CHD5: variants seen among roughly 807,000 people sequenced by gnomAD.
CHD5 encodes the protein ATP-dependent chromatin remodeler CHD5.
In CHD5, 69 loss-of-function variants were observed where a neutral mutation model predicts 230.3. The ratio of observed to expected loss-of-function variants is 0.30; its 90% CI spans 0.25 to 0.37. The LOEUF is 0.37. CHD5 is among the 10% of genes least tolerant of loss of function. The probability of loss-of-function intolerance (pLI) is 1.00; values close to 1 mark genes in which losing one functional copy is unlikely to be tolerated. For synonymous variants in CHD5, 1,064 were observed against 1,065.9 expected (o/e 1.00, Z 0.03); for missense variants, 1,827 against 2,622.8 (o/e 0.70, Z 6.63).
In CHD5 at chr1:6,154,600, T is replaced by C; in HGVS notation, c.745+60A>G. 1.0e-5 allele frequency: 15 copies of C among 1,476,500 alleles called. No individual in the cohort carries two copies. The highest frequency in any genetic ancestry group is 1.4e-5 in the Non-Finnish European group (15 of 1,101,434). 91.5% of individuals were successfully genotyped at this position (1,476,500 alleles called of 1,614,324 possible). A position where few individuals can be genotyped will look rare whatever the true frequency, so the allele number is the denominator to read the frequency against. Reference sequence around the variant, plus strand: ...CGCGTCTGCCCCGTGGCTTCTCCTATAGGGTCTGAAAGGGACCTCTTCCCA... The same window carrying C: ...CGCGTCTGCCCCGTGGCTTCTCCTACAGGGTCTGAAAGGGACCTCTTCCCA... On this transcript the variant is annotated intron_variant, in intron 5 of 41. Transcript: ENST00000262450. This position sits in a 1 kb window ranked among gnomAD's most constrained non-coding sequence, Gnocchi z 7.0.
At chr1:6,166,092 C>A (rs555218850) in intron 2 of CHD5, among the ~76,000 whole-genome samples, 2 of 151,978 alleles carry the variant, frequency 1.3e-5, no homozygotes, top group South Asian at 2.1e-4. Flanking sequence ...AGACACACAT[C>A]CATCCCGGAC....
chr1:6,109,759 CGG>C (rs546108700), intron 38 of CHD5, 34 bp downstream of exon 38: 1 of 1,573,622 alleles, frequency 6.4e-7, no homozygotes, highest in African/African-American at 1.4e-5. Context: ...GGAGGAAGGG[CGG>C]GGGGCTGCAC....
intron 30 of CHD5, 131 bp downstream of exon 30, chr1:6,124,386 G>T: frequency 9.3e-7 from 1 of 1,075,594 alleles, no homozygotes; most frequent in Non-Finnish European, 1.4e-6. Context: ...AGTCCCTCTG[G>T]AGTGACTCGG....
Position 6,154,550 on chromosome 1 carries a change from A to G in CHD5, c.745+110T>C. The G allele has an allele frequency of 1.0e-6, 1 of 961,260 alleles. No individual in the cohort carries two copies. Among genetic ancestry groups the G allele is most frequent in the Non-Finnish European group, 1.5e-6 (1 of 660,842 alleles). 59.5% of individuals were successfully genotyped at this position (961,260 alleles called of 1,614,324 possible). On this transcript the variant is annotated intron_variant, in intron 5 of 41. Transcript: ENST00000262450. This position sits in a 1 kb window ranked among gnomAD's most constrained non-coding sequence, Gnocchi z 7.0. Reference sequence around the variant, plus strand: ...CACAGGCACAGAGCCCTCCATTAGGAGCACCCCAGCTGCCCCTCCCTGCCC... The same window carrying G: ...CACAGGCACAGAGCCCTCCATTAGGGGCACCCCAGCTGCCCCTCCCTGCCC...
chr1:6,162,009 C>A (rs1471545744), intron 2 of CHD5, among the ~76,000 whole-genome samples: 1 of 152,204 alleles, frequency 6.6e-6, no homozygotes, highest in Admixed American at 6.5e-5. Flanking sequence ...TTGGCCAAGT[C>A]ACTGTAGCGA....
chr1:6,110,490 G>C lies in CHD5; in HGVS notation c.5286C>G (p.Asp1762Glu). The change falls in exon 37 of 42, where the codon GAC becomes GAG. Residue 1762 changes from aspartate to glutamate, a missense_variant. By Grantham distance (45) the Asp-to-Glu change is conservative. Around this residue, in one of 14 missense-constraint regions of CHD5, gnomAD observed 208 missense variants for 302.0 expected, o/e 0.69. Coordinates refer to ENST00000262450, the MANE Select transcript of CHD5 (RefSeq NM_015557.3). Reference protein sequence around the residue: ...GYARWQDIQNDPRYMILNEPF... With the variant: ...GYARWQDIQNEPRYMILNEPF... The stretch of plus-strand genomic sequence containing the variant: ...GCTCGTTGAGGATCATGTACCGTGG[G>C]TCATTCTGGATGTCCTGCCAGCGGG... 6.2e-7 allele frequency: 1 copy of C among 1,613,898 alleles called. No homozygotes were observed. The highest frequency in any genetic ancestry group is 8.5e-7 in the Non-Finnish European group (1 of 1,179,980).
rs1034925248 is a variant in CHD5, at chr1:6,146,535, G to A, written c.1591-112C>T. 58 of 1,387,058 alleles carry A rather than the reference G, an allele frequency of 4.2e-5. No individual in the cohort carries two copies. Among genetic ancestry groups the A allele is most frequent in the Non-Finnish European group, 5.0e-5 (49 of 986,638 alleles). 85.9% of individuals were successfully genotyped at this position (1,387,058 alleles called of 1,614,324 possible). ...AGGTCCCAGGCAGGACAATCCTCCC[G>A]CTCAGCACCACCCCAACTCCCAACA... is the stretch of plus-strand genomic sequence containing the variant. On this transcript the variant is annotated intron_variant, in intron 10 of 41. Transcript: ENST00000262450. The surrounding 1 kb of genome is among the most constrained non-coding windows in gnomAD (Gnocchi z 5.1).
At chr1:6,122,152 G>A (rs948884713) in intron 31 of CHD5, among the ~76,000 whole-genome samples, 1 of 152,218 alleles carries the variant, frequency 6.6e-6, no homozygotes, top group Non-Finnish European at 1.5e-5. Context: ...GGGCTCCCTT[G>A]TGCTTGGAGG....
rs1032592492 is a variant in CHD5, at chr1:6,105,080, G to T, written c.*394C>A. ...CGGTAAAGAGACATCAGTGCTGCAG[G>T]TTCGAATCTTCCATACGTCATCCAA... is the stretch of plus-strand genomic sequence containing the variant. On this transcript the variant is annotated 3_prime_UTR_variant, in exon 42 of 42. Transcript: ENST00000262450. The surrounding 1 kb of genome is among the most constrained non-coding windows in gnomAD (Gnocchi z 4.8). 4.0e-5 allele frequency: 13 copies of T among 324,628 alleles called. No homozygotes were observed. Among genetic ancestry groups the T allele is most frequent in the South Asian group, 2.5e-4 (10 of 40,236 alleles). 20.1% of individuals were successfully genotyped at this position (324,628 alleles called of 1,614,324 possible). A position where few individuals can be genotyped will look rare whatever the true frequency, so the allele number is the denominator to read the frequency against.
At chr1:6,109,364 G>A (rs553601520) in intron 38 of CHD5, among the ~76,000 whole-genome samples, 1 of 152,206 alleles carries the variant, frequency 6.6e-6, no homozygotes, top group Non-Finnish European at 1.5e-5. Context: ...GCAGAGATGT[G>A]CAGCCAGCAC....
intron 15 of CHD5, among the ~76,000 whole-genome samples, chr1:6,139,636 G>A (rs780770222): frequency 3.3e-5 from 5 of 150,534 alleles, no homozygotes; most frequent in South Asian, 4.2e-4. Flanking sequence ...CTACAGCCTC[G>A]AACTCCTGGG....
intron 38 of CHD5, among the ~76,000 whole-genome samples, chr1:6,108,421 T>G: frequency 1.8e-5 from 2 of 109,526 alleles, no homozygotes; most frequent in African/African-American, 3.7e-5. Context: ...GATGGAGAGA[T>G]GGAAGGATGG....
intron 1 of CHD5, among the ~76,000 whole-genome samples, chr1:6,173,108 CTTTTT>C (rs371953368): frequency 1.4e-5 from 2 of 138,104 alleles, no homozygotes; most frequent in Non-Finnish European, 3.2e-5. Flanking sequence ...GGCGTTATTT[CTTTTT>C]TTTTTTTTTT....
intron 2 of CHD5, 75 bp downstream of exon 2, chr1:6,168,075 C>G: frequency 2.0e-6 from 3 of 1,519,362 alleles, no homozygotes; most frequent in Non-Finnish European, 1.8e-6. Flanking sequence ...GGACCCCAGC[C>G]CTCCTCTGCG....
At chr1:6,132,012 C>T (rs1053132476) in intron 20 of CHD5, among the ~76,000 whole-genome samples, 1 of 152,242 alleles carries the variant, frequency 6.6e-6, no homozygotes, top group Non-Finnish European at 1.5e-5. Context: ...GCTCCCACCA[C>T]ACAGAATTAA....
rs754296327 is a variant in CHD5, at chr1:6,136,697, G to A, written c.2574+31C>T. The A allele has an allele frequency of 6.8e-6, 11 of 1,611,014 alleles. No individual in the cohort carries two copies. The Admixed American group carries it at 1.7e-4, about 24-fold the overall frequency. The stretch of plus-strand genomic sequence containing the variant: ...TCTGGGCGGCCCCTCGCCCCGGGAA[G>A]CTCTGGGGTCTGGCGGCCAGCGCCA... On this transcript the variant is annotated intron_variant, in intron 16 of 41. Transcript: ENST00000262450.
intron 2 of CHD5, among the ~76,000 whole-genome samples, chr1:6,165,155 G>C (rs946840263): frequency 1.3e-5 from 2 of 152,232 alleles, no homozygotes; most frequent in East Asian, 3.9e-4. Context: ...TGAGAGCGTC[G>C]GAGAACCAGC....
intron 33 of CHD5, among the ~76,000 whole-genome samples, chr1:6,119,140 A>G (rs1391387079): frequency 6.6e-6 from 1 of 151,572 alleles, no homozygotes; most frequent in African/African-American, 2.4e-5. Context: ...CAAATCAGCA[A>G]AAATAAACTT....
In CHD5 at chr1:6,134,489, G is replaced by A. The variant is rs1054685188; in HGVS notation, c.3012+229C>T. The stretch of plus-strand genomic sequence containing the variant: ...CCGTTCCCAGGCAGGGCTCACAGCC[G>A]CACCAGCCCTACCACAGCAGCGGGT... On this transcript the variant is annotated intron_variant, in intron 19 of 41. Transcript: ENST00000262450. This position sits in a 1 kb window ranked among gnomAD's most constrained non-coding sequence, Gnocchi z 6.3. Among the ~76,000 whole-genome samples, 2 of 152,170 alleles carry A rather than the reference G, an allele frequency of 1.3e-5. No homozygotes were observed. Among genetic ancestry groups the A allele is most frequent in the African/African-American group, 4.8e-5 (2 of 41,454 alleles).
Sources: gnomAD v4.1 joint callset for allele counts (sites outside exome capture counted in the v4.1 genomes callset) on GRCh38, gnomAD v4.1.1 for gene constraint, gnomAD v4.1.1 regional missense constraint, Gnocchi (gnomAD v3.1) non-coding constraint, MANE v1.5 for transcripts, NCBI Gene and HGNC (gene_info 2026-07-23, HGNC 2026-07-21) for gene names.